Variants in PMS1 observed in about 807,000 individuals in gnomAD.
The protein encoded by PMS1 is PMS1 protein homolog 1.
PMS1 carries 79 observed loss-of-function variants against 93.1 expected under a neutral mutation model. The observed-to-expected ratio is 0.85, with a 90% CI of 0.71 to 1.02. The LOEUF is 1.02. Among genes scored for constraint, PMS1 ranks in the 50% least tolerant of loss-of-function variants. The pLI is 0.00. For missense variants in PMS1, 1,064 were observed against 1,085.3 expected (o/e 0.98, Z 0.28); for synonymous variants, 335 against 363.4 (o/e 0.92, Z 0.89).
intron 3 of PMS1, among the ~76,000 whole-genome samples, chr2:189,804,924 T>C (rs561121832): frequency 7.2e-5 from 11 of 152,114 alleles, no homozygotes; most frequent in African/African-American, 2.4e-4. Flanking sequence ...AATGGCATAT[T>C]TTACTATTGT....
At chr2:189,787,237 T>C (rs1420934881) in intron 1 of PMS1, among the ~76,000 whole-genome samples, 2 of 152,178 alleles carry the variant, frequency 1.3e-5, no homozygotes, top group Non-Finnish European at 2.9e-5. Flanking sequence ...ATTGAAATTA[T>C]GTATATAAAG....
chr2:189,839,457 C>T (rs5743090), intron 5 of PMS1, among the ~76,000 whole-genome samples: 10,238 of 152,242 alleles, frequency 0.067, 593 homozygotes, highest in African/African-American at 0.16. Flanking sequence ...CCCCTTTGCA[C>T]GATGTGCCAG....
At position 189,786,129 on chromosome 2, in the gene PMS1, AAAAT is replaced by A. The variant is rs377301840; in HGVS notation, c.-21+1540_-21+1543del. Among the ~76,000 whole-genome samples, 116 of 152,286 alleles carry A rather than the reference AAAAT, an allele frequency of 7.6e-4. No individual in the cohort carries two copies. The East Asian group carries it at 0.02, about 27-fold the overall frequency. On this transcript the variant is annotated intron_variant, in intron 1 of 12. Transcript: ENST00000441310. The stretch of plus-strand genomic sequence containing the variant: ...AGTGAGACCCTGTCACAAAAAATAA[AAAAT>A]AAAAAAAGACGAGCTGTGCAGTATG...
intron 11 of PMS1, among the ~76,000 whole-genome samples, chr2:189,872,498 C>G (rs964370963): frequency 6.6e-6 from 1 of 152,160 alleles, no homozygotes; most frequent in African/African-American, 2.4e-5. Context: ...ACCGATACAG[C>G]CAAAGAAGAC....
At chr2:189,857,618 C>T (rs934883) in intron 9 of PMS1, 18,904 of 368,234 alleles carry the variant, frequency 0.051, 709 homozygotes, top group African/African-American at 0.13. Flanking sequence ...TCTCTCGATT[C>T]CTCCTTTCCC....
Position 189,814,567 on chromosome 2 carries a change from T to G in PMS1, c.419-3450T>G, listed in dbSNP as rs575377615. On this transcript the variant is annotated intron_variant, in intron 4 of 12. Coordinates refer to ENST00000441310, the MANE Select transcript of PMS1 (RefSeq NM_000534.5). ...AACTTTATTACTTTCTCTTATTTTCTTTAAGTATTCATTTAAGACTTTTTT... is the reference window on the plus strand; with the variant it reads ...AACTTTATTACTTTCTCTTATTTTCGTTAAGTATTCATTTAAGACTTTTTT... Among the ~76,000 whole-genome samples the G allele has an allele frequency of 1.1e-3, 169 of 152,344 alleles. 2 individuals are homozygous for G. The highest frequency in any genetic ancestry group is 4.0e-3 in the African/African-American group (168 of 41,586).
At chr2:189,805,080 A>G (rs1055995151) in intron 3 of PMS1, among the ~76,000 whole-genome samples, 5 of 152,130 alleles carry the variant, frequency 3.3e-5, no homozygotes, top group African/African-American at 1.2e-4. Flanking sequence ...TTCTTCACTT[A>G]TGCTTACATG....
In PMS1 at chr2:189,854,769, CA is replaced by C; in HGVS notation, c.1498del (p.Arg500GlyfsTer16). The C allele has an allele frequency of 6.2e-7, 1 of 1,613,620 alleles. No homozygotes were observed. Among genetic ancestry groups the C allele is most frequent in the Non-Finnish European group, 8.5e-7 (1 of 1,179,718 alleles). Reference protein sequence around the residue: ...SSEISADEWSRGNILKNSVGE... With the variant: ...SSEISADEWSXGNILKNSVGE... ...CGGAAATTTCTGCAGATGAGTGGAG[CA>C]GGGGAAATATACTTAAAAATTCAGT... On this transcript the variant is annotated frameshift_variant, in exon 9 of 13. Coordinates refer to ENST00000441310, the MANE Select transcript of PMS1 (RefSeq NM_000534.5). LOFTEE classifies it high-confidence loss of function.
intron 6 of PMS1, among the ~76,000 whole-genome samples, chr2:189,844,937 A>G (rs1449323752): frequency 6.6e-6 from 1 of 151,850 alleles, no homozygotes; most frequent in Non-Finnish European, 1.5e-5. Flanking sequence ...AGCCCACTAC[A>G]GCCTCCATCT....
intron 5 of PMS1, among the ~76,000 whole-genome samples, chr2:189,839,560 G>T (rs557888285): frequency 4.7e-4 from 72 of 152,198 alleles, no homozygotes; most frequent in African/African-American, 1.6e-3. Context: ...TATCCTATTT[G>T]TCAGGAATGC....
chr2:189,807,397 G>C (rs867530959), intron 4 of PMS1, among the ~76,000 whole-genome samples: 9 of 152,220 alleles, frequency 5.9e-5, no homozygotes, highest in African/African-American at 2.2e-4. Context: ...CAGACAGAAG[G>C]CATTTTTAAA....
Position 189,815,096 on chromosome 2 carries a change from CAAAA to C in PMS1, c.419-2906_419-2903del, listed in dbSNP as rs529543530. On this transcript the variant is annotated intron_variant, in intron 4 of 12. Transcript: ENST00000441310. Reference sequence around the variant, plus strand: ...CCTGGGCAACAGAGAGACTCCATCTCAAAAAAAAAAAAAAAAAAGATATGATACT... The same window carrying C: ...CCTGGGCAACAGAGAGACTCCATCTCAAAAAAAAAAAAAAGATATGATACT... 2.6e-4 allele frequency among the ~76,000 whole-genome samples: 16 copies of C among 61,578 alleles called. No homozygotes were observed. The East Asian group carries it at 8.2e-3, about 32-fold the overall frequency. The allele number at this position is 61,578 out of a possible 152,430, so 40.4% of individuals were successfully genotyped here. A position where few individuals can be genotyped will look rare whatever the true frequency, so the allele number is the denominator to read the frequency against.
At chr2:189,847,615 GGTCA>G (rs2054359524) in intron 6 of PMS1, among the ~76,000 whole-genome samples, 2 of 151,858 alleles carry the variant, frequency 1.3e-5, no homozygotes, top group Non-Finnish European at 2.9e-5. Context: ...TTTATTAGGA[GGTCA>G]GTTTTGTTTT....
intron 9 of PMS1, chr2:189,857,573 C>T (rs930697470): frequency 2.5e-5 from 10 of 402,876 alleles, no homozygotes; most frequent in South Asian, 1.7e-4. Flanking sequence ...CTTCCTTCTT[C>T]TTTTTTTCTT....
chr2:189,870,006 T>A (rs1196203793), intron 11 of PMS1, among the ~76,000 whole-genome samples: 2 of 152,138 alleles, frequency 1.3e-5, no homozygotes, highest in Non-Finnish European at 2.9e-5. Context: ...CCTAATACTT[T>A]CCATAGCATC....
At chr2:189,788,507 T>C (rs1464811744) in intron 1 of PMS1, among the ~76,000 whole-genome samples, 1 of 152,200 alleles carries the variant, frequency 6.6e-6, no homozygotes, top group Non-Finnish European at 1.5e-5. Context: ...TCTGTTAGTG[T>C]AAGAGCTAGG....
chr2:189,817,948 G>A (rs573862579), intron 4 of PMS1, 69 bp from the exon 5 acceptor site: 3 of 1,183,388 alleles, frequency 2.5e-6, no homozygotes, highest in Admixed American at 1.7e-5. Context: ...ATTACAAATT[G>A]TATACGGATT....
chr2:189,860,990 C>T (rs1241370781), intron 9 of PMS1, among the ~76,000 whole-genome samples: 26 of 150,488 alleles, frequency 1.7e-4, no homozygotes, highest in East Asian at 7.8e-4. Context: ...AGACAAAGTT[C>T]GTTGTTACTT....
At chr2:189,863,683 C>T in intron 9 of PMS1, 60 bp from the exon 10 acceptor site, 2 of 1,299,132 alleles carry the variant, frequency 1.5e-6, no homozygotes, top group Non-Finnish European at 2.2e-6. Context: ...AAATTTACTT[C>T]AGATGGTTAA....
Sources: allele counts gnomAD v4.1 joint callset (sites outside exome capture counted in the v4.1 genomes callset), GRCh38; gene constraint gnomAD v4.1.1; transcripts MANE v1.5; gene names NCBI Gene and HGNC (gene_info 2026-07-23, HGNC 2026-07-21).